Variants in DCTN5 observed in about 807,000 individuals in gnomAD.
DCTN5 encodes the protein dynactin 4.
A neutral mutation model predicts 23.5 loss-of-function variants in DCTN5; 14 were observed. The observed-to-expected ratio is 0.60, with a 90% confidence interval of 0.39 to 0.93. DCTN5 has a LOEUF of 0.93. Among genes scored for constraint, DCTN5 ranks in the 40% least tolerant of loss-of-function variants. The probability of loss-of-function intolerance (pLI) is 0.00; values close to 1 mark genes in which losing one functional copy is unlikely to be tolerated. For missense variants in DCTN5, 156 were observed against 225.9 expected, an observed-to-expected ratio of 0.69 and a Z score of 1.98; for synonymous variants, 67 against 79.6, an observed-to-expected ratio of 0.84 and a Z score of 0.84.
chr16:23,641,887 T>A (rs1967277363), intron 1 of DCTN5, among the ~76,000 whole-genome samples: 1 of 152,110 alleles, frequency 6.6e-6, no homozygotes. Flanking sequence ...CCTTTTACAC[T>A]GCCTTTTGTA....
rs1967956696 is a variant in DCTN5 at position 23,668,970 on chromosome 16, A to C, written c.*1826A>C. 6.6e-6 allele frequency: 1 copy of C among 152,604 alleles called. No homozygotes were observed. The highest frequency in any genetic ancestry group is 6.5e-5 in the Admixed American group (1 of 15,270). 9.5% of individuals were successfully genotyped at this position (152,604 alleles called of 1,614,324 possible). A position where few individuals can be genotyped will look rare whatever the true frequency, so the allele number is the denominator to read the frequency against. On this transcript the variant is annotated 3_prime_UTR_variant, in exon 6 of 6. Coordinates refer to ENST00000300087, the MANE Select transcript of DCTN5 (RefSeq NM_032486.4). ...TCTTCATCCAAAACAAGGTGATGGGAAGACAAAAACAATAGCTACTACAAA... is the reference window on the plus strand; with the variant it reads ...TCTTCATCCAAAACAAGGTGATGGGCAGACAAAAACAATAGCTACTACAAA...
At chr16:23,653,889 C>A (rs1967648854) in intron 2 of DCTN5, among the ~76,000 whole-genome samples, 1 of 152,134 alleles carries the variant, frequency 6.6e-6, no homozygotes, top group Non-Finnish European at 1.5e-5. Context: ...GGGCAAAGGA[C>A]ATGAACAGAC....
intron 2 of DCTN5, among the ~76,000 whole-genome samples, chr16:23,652,099 G>A (rs1967616433): frequency 6.6e-6 from 1 of 152,200 alleles, no homozygotes; most frequent in African/African-American, 2.4e-5. Flanking sequence ...AGCAGATGTG[G>A]AAGTTCTTTT....
intron 2 of DCTN5, chr16:23,650,864 T>TGG (rs1231932428): frequency 1.4e-6 from 2 of 1,415,222 alleles, no homozygotes; most frequent in African/African-American, 2.8e-5. Flanking sequence ...CAATAGAGAG[T>TGG]GGTGGGGCCT....
At chr16:23,658,907 G>A (rs1967761300) in intron 3 of DCTN5, among the ~76,000 whole-genome samples, 1 of 152,198 alleles carries the variant, frequency 6.6e-6, no homozygotes, top group Non-Finnish European at 1.5e-5. Context: ...GAGCAAGCCA[G>A]GCCTCACAAG....
At position 23,661,281 on chromosome 16, in the gene DCTN5, T is replaced by C. The variant is rs1397997756; in HGVS notation, c.348T>C (p.Ile116=). ...SYVHVGKNCV[I]GRRCVLKDCC... ...TTCATGTTGGGAAGAACTGTGTGAT[T>C]GTGAGTATGATGACTTGGCTGGCAA... Residue 116 remains isoleucine (I), a splice_region_variant and synonymous_variant, in exon 4 of 6, where the codon ATT becomes ATC. Coordinates refer to ENST00000300087, the MANE Select transcript of DCTN5 (RefSeq NM_032486.4). The C allele has an allele frequency of 6.2e-7, 1 of 1,605,952 alleles. No homozygotes were observed. Among genetic ancestry groups the C allele is most frequent in the East Asian group, 2.2e-5 (1 of 44,622 alleles).
rs1205739582 is a variant in DCTN5, at chr16:23,671,832, TTAC to T, written c.*4690_*4692del. 6.6e-6 allele frequency: 1 copy of T among 152,206 alleles called. No homozygotes were observed. The highest frequency in any genetic ancestry group is 2.4e-5 in the African/African-American group (1 of 41,434). 9.4% of individuals were successfully genotyped at this position (152,206 alleles called of 1,614,324 possible). On this transcript the variant is annotated 3_prime_UTR_variant, in exon 6 of 6. Transcript: ENST00000300087. ...GTGAGAAGAGTTGGCACAGGACATC[TTAC>T]TTCCCTGAAAACAGTACCTGGACTT... is the stretch of plus-strand genomic sequence containing the variant.
rs1799464692 is a variant in DCTN5 at position 23,658,493 on chromosome 16, G to C, written c.118-14G>C. 7 of 1,594,528 alleles carry C rather than the reference G, an allele frequency of 4.4e-6. No individual in the cohort carries two copies. The highest frequency in any genetic ancestry group is 6.0e-6 in the Non-Finnish European group (7 of 1,162,896). On this transcript the variant is annotated splice_polypyrimidine_tract_variant and intron_variant, in intron 2 of 5. Transcript: ENST00000300087. Reference sequence around the variant, plus strand: ...CTATGTTGCTAATTTTTTAAAATTTGCTTCGTCTTACAGACCATTGTGATG... The same window carrying C: ...CTATGTTGCTAATTTTTTAAAATTTCCTTCGTCTTACAGACCATTGTGATG...
rs1450579705 is a variant in DCTN5 at position 23,672,175 on chromosome 16, G to C, written c.*5031G>C. 1 of 152,190 alleles carries C rather than the reference G, an allele frequency of 6.6e-6. No individual in the cohort carries two copies. Among genetic ancestry groups the C allele is most frequent in the Non-Finnish European group, 1.5e-5 (1 of 68,054 alleles). 9.4% of individuals were successfully genotyped at this position (152,190 alleles called of 1,614,324 possible). ...CCAGGAACTGAAAAGGCCTGTGAGAGACTCTGAGCTTCCTGGGAACAGGTA... is the reference window on the plus strand; with the variant it reads ...CCAGGAACTGAAAAGGCCTGTGAGACACTCTGAGCTTCCTGGGAACAGGTA... On this transcript the variant is annotated 3_prime_UTR_variant, in exon 6 of 6. Coordinates refer to ENST00000300087, the MANE Select transcript of DCTN5 (RefSeq NM_032486.4).
chr16:23,645,083 C>CTACATA (rs1967398181), intron 2 of DCTN5, among the ~76,000 whole-genome samples: 1 of 33,098 alleles, frequency 3.0e-5, no homozygotes, highest in Non-Finnish European at 5.3e-5. Context: ...CCCAGCCTAA[C>CTACATA]TATATATATA....
intron 1 of DCTN5, 136 bp downstream of exon 1, chr16:23,641,726 C>T: frequency 1.1e-6 from 1 of 884,548 alleles, no homozygotes; most frequent in South Asian, 1.5e-5. Flanking sequence ...TAGCGATGCC[C>T]CGTGTACCGT....
intron 2 of DCTN5, among the ~76,000 whole-genome samples, chr16:23,653,920 C>G (rs182251988): frequency 7.2e-5 from 11 of 152,028 alleles, no homozygotes; most frequent in African/African-American, 2.4e-4. Context: ...AGAAGAAATA[C>G]AATAATCATG....
intron 2 of DCTN5, among the ~76,000 whole-genome samples, chr16:23,644,486 G>C (rs997035662): frequency 4.0e-5 from 6 of 151,640 alleles, no homozygotes; most frequent in African/African-American, 1.5e-4. Context: ...ATTTTTATCA[G>C]AGATGGGGTT....
chr16:23,659,076 TG>T (rs774511706), intron 3 of DCTN5, among the ~76,000 whole-genome samples: 1 of 152,226 alleles, frequency 6.6e-6, no homozygotes, highest in Non-Finnish European at 1.5e-5. Flanking sequence ...CATTTGTTCA[TG>T]GAGCCTACCT....
chr16:23,645,137 ATTTTTTTTTT>A (rs869033729), intron 2 of DCTN5, among the ~76,000 whole-genome samples: 1 of 30,806 alleles, frequency 3.2e-5, no homozygotes, highest in Admixed American at 5.0e-4. Flanking sequence ...ATATATATAT[ATTTTTTTTTT>A]TTTTAATACG....
intron 2 of DCTN5, among the ~76,000 whole-genome samples, chr16:23,647,699 G>A (rs1359548803): frequency 6.6e-6 from 1 of 151,150 alleles, no homozygotes; most frequent in Non-Finnish European, 1.5e-5. Context: ...GTAGAGACGG[G>A]GTTTTACCAT....
At chr16:23,646,588 T>C (rs1421710186) in intron 2 of DCTN5, among the ~76,000 whole-genome samples, 1 of 151,942 alleles carries the variant, frequency 6.6e-6, no homozygotes, top group Non-Finnish European at 1.5e-5. Context: ...TTTTTTTTTG[T>C]TTTTTGAGAC....
chr16:23,658,408 A>T (rs1376068811), intron 2 of DCTN5, 99 bp from the exon 3 acceptor site: 2 of 807,272 alleles, frequency 2.5e-6, no homozygotes, highest in African/African-American at 1.7e-5. Flanking sequence ...GTCAGAGTGG[A>T]TTGTAACATA....
In DCTN5 at chr16:23,644,914, G is replaced by T. The variant is rs1221593360; in HGVS notation, c.117+1891G>T. Among the ~76,000 whole-genome samples the T allele has an allele frequency of 2.7e-5, 4 of 147,312 alleles. 1 individual carries two copies. The East Asian group carries it at 8.4e-4, about 31-fold the overall frequency. ...CATGCCTCAGCCTCCTGTGTAGCTG[G>T]GACTACAGGTGCACGCCACTACACT... On this transcript the variant is annotated intron_variant, in intron 2 of 5. Transcript: ENST00000300087.
Sources: allele counts gnomAD v4.1 joint callset (sites outside exome capture counted in the v4.1 genomes callset), GRCh38; gene constraint gnomAD v4.1.1; transcripts MANE v1.5; gene names NCBI Gene and HGNC (gene_info 2026-07-23, HGNC 2026-07-21).